The following ZNF718 variants were observed in gnomAD, a reference collection of about 807,000 sequenced individuals.
The protein encoded by ZNF718 is zinc finger protein 718.
A neutral mutation model predicts 2.6 loss-of-function variants in ZNF718; 3 were observed. The ratio of observed to expected loss-of-function variants is 1.16; its 90% CI spans 0.53 to 3.01. ZNF718 has a LOEUF of 3.01. Ranked by LOEUF, ZNF718 falls within the 30% of genes most tolerant of loss-of-function variation. The probability of loss-of-function intolerance (pLI) is 0.03; values close to 1 mark genes in which losing one functional copy is unlikely to be tolerated. For missense variants in ZNF718, 468 were observed against 230.0 expected, an observed-to-expected ratio of 2.03 and a Z score of -6.69; for synonymous variants, 135 against 77.9, an observed-to-expected ratio of 1.73 and a Z score of -3.86.
intron 3 of ZNF718, among the ~76,000 whole-genome samples, chr4:200,678 G>A (rs1246605318): frequency 3.9e-5 from 6 of 152,132 alleles, no homozygotes; most frequent in Admixed American, 1.3e-4. Flanking sequence ...AATTCCAAAG[G>A]TGAGGGGAAG....
downstream of ZNF718, among the ~76,000 whole-genome samples, chr4:168,388 C>T (rs187488190): frequency 1.8e-3 from 267 of 152,242 alleles, no homozygotes; most frequent in East Asian, 6.0e-3. Flanking sequence ...GGAGGATTCC[C>T]TCTTTTTCTA....
In ZNF718 at chr4:124,545, C is replaced by T. The variant is rs1233594719; in HGVS notation, c.-126C>T. The T allele has an allele frequency of 1.0e-5, 14 of 1,393,782 alleles. No homozygotes were observed. The highest frequency in any genetic ancestry group is 4.2e-5 in the African/African-American group (3 of 70,722). 86.3% of individuals were successfully genotyped at this position (1,393,782 alleles called of 1,614,324 possible). A position where few individuals can be genotyped will look rare whatever the true frequency, so the allele number is the denominator to read the frequency against. On this transcript the variant is annotated 5_prime_UTR_variant, in exon 1 of 4. Transcript: ENST00000510175. ...AGCCAGAGCTCGGTTAGGGCCTCAT[C>T]GCTCTGCTCCCGCTCCTTAGGGAAG...
At chr4:191,144 C>CTTTT (rs1194078764) in intron 3 of ZNF718, among the ~76,000 whole-genome samples, 10 of 122,280 alleles carry the variant, frequency 8.2e-5, no homozygotes, top group East Asian at 4.8e-4. Context: ...AGACATAAGT[C>CTTTT]TTTTTTTTTT....
intron 3 of ZNF718, among the ~76,000 whole-genome samples, chr4:172,851 T>G (rs1449837255): frequency 6.6e-6 from 1 of 151,944 alleles, no homozygotes; most frequent in Non-Finnish European, 1.5e-5. Flanking sequence ...GTCAAGAGAT[T>G]GAGACCATCC....
chr4:169,972 G>T (rs1356788753), intron 3 of ZNF718, among the ~76,000 whole-genome samples: 1 of 152,088 alleles, frequency 6.6e-6, no homozygotes, highest in Non-Finnish European at 1.5e-5. Context: ...GCATGTTTTT[G>T]CTGTGGCTGG....
intron 3 of ZNF718, among the ~76,000 whole-genome samples, chr4:197,485 C>T (rs1187136352): frequency 6.6e-6 from 1 of 152,128 alleles, no homozygotes; most frequent in Admixed American, 6.6e-5. Context: ...GAGAATTGCT[C>T]AATGCATTCC....
intron 3 of ZNF718, among the ~76,000 whole-genome samples, chr4:177,878 G>A (rs1717381935): frequency 6.6e-6 from 1 of 151,980 alleles, no homozygotes; most frequent in African/African-American, 2.4e-5. Flanking sequence ...AGAGTAGGCA[G>A]TTAGACATGA....
intron 3 of ZNF718, among the ~76,000 whole-genome samples, chr4:143,248 G>A (rs1479501316): frequency 6.6e-6 from 1 of 152,224 alleles, no homozygotes; most frequent in Admixed American, 6.5e-5. Flanking sequence ...CTGGAGTGCA[G>A]TGGTGTAATC....
At chr4:173,050 AT>A (rs1234963513) in intron 3 of ZNF718, among the ~76,000 whole-genome samples, 2 of 152,148 alleles carry the variant, frequency 1.3e-5, no homozygotes, top group African/African-American at 4.8e-5. Flanking sequence ...TCTTAAAAAA[AT>A]AAATAAAATA....
intron 3 of ZNF718, among the ~76,000 whole-genome samples, chr4:172,078 G>A (rs782385966): frequency 6.6e-6 from 1 of 152,012 alleles, no homozygotes; most frequent in African/African-American, 2.4e-5. Context: ...TATATTTATT[G>A]TAAAGCATAT....
At chr4:156,782 GATT>G (rs577535402) in intron 3 of ZNF718, among the ~76,000 whole-genome samples, 149 of 152,110 alleles carry the variant, frequency 9.8e-4, no homozygotes, top group African/African-American at 3.5e-3. Flanking sequence ...TATTTCATTA[GATT>G]ATTTTTTGCT....
chr4:171,985 C>G (rs945422140), intron 3 of ZNF718, among the ~76,000 whole-genome samples: 1 of 152,188 alleles, frequency 6.6e-6, no homozygotes, highest in Non-Finnish European at 1.5e-5. Flanking sequence ...CATCTTGGCT[C>G]CACCTGTCGA....
intron 3 of ZNF718, among the ~76,000 whole-genome samples, chr4:135,687 C>T (rs1715529399): frequency 2.2e-5 from 2 of 89,078 alleles, no homozygotes; most frequent in African/African-American, 4.0e-5. Context: ...TATCCTGATG[C>T]TTTAATGAAT....
intron 3 of ZNF718, 92 bp from the exon 4 acceptor site, chr4:160,820 G>T: frequency 1.5e-6 from 1 of 655,440 alleles, no homozygotes; most frequent in East Asian, 2.5e-5. Flanking sequence ...GAAACTGCTG[G>T]AATTACTGGC....
Position 161,157 on chromosome 4 carries a change from TCAAA to T in ZNF718, c.477_480del (p.Asn159LysfsTer4), listed in dbSNP as rs1553814943. ...CAAAGTTTTTCATAAATTTTCAAATTCAAACAAAGATAAGATAAGATATACTGGA... is the reference window on the plus strand; with the variant it reads ...CAAAGTTTTTCATAAATTTTCAAATTCAAAGATAAGATAAGATATACTGGA... On this transcript the variant is annotated frameshift_variant, in exon 4 of 4. Transcript: ENST00000510175. LOFTEE classifies it low-confidence loss of function (END_TRUNC). 4 of 759,796 alleles carry T rather than the reference TCAAA, an allele frequency of 5.3e-6. No individual in the cohort carries two copies. The Admixed American group carries it at 7.3e-5, about 14-fold the overall frequency. 47.1% of individuals were successfully genotyped at this position (759,796 alleles called of 1,614,324 possible). A position where few individuals can be genotyped will look rare whatever the true frequency, so the allele number is the denominator to read the frequency against.
At position 163,018 on chromosome 4, in the gene ZNF718, C is replaced by T. The variant is rs2108805886; in HGVS notation, c.*896C>T. 1 of 152,090 alleles carries T rather than the reference C, an allele frequency of 6.6e-6. No homozygotes were observed. The highest frequency in any genetic ancestry group is 2.1e-4 in the South Asian group (1 of 4,796). The allele number at this position is 152,090 out of a possible 1,614,324, so 9.4% of individuals were successfully genotyped here. ...AAAGGAGTAGCTTTTTGAAATTATT[C>T]CATTGAAATTATACTTTTTTTACCT... On this transcript the variant is annotated 3_prime_UTR_variant, in exon 4 of 4. Transcript: ENST00000510175.
intron 3 of ZNF718, among the ~76,000 whole-genome samples, chr4:181,983 A>G (rs1475608997): frequency 1.3e-5 from 2 of 152,320 alleles, no homozygotes; most frequent in East Asian, 3.9e-4. Flanking sequence ...TGTCACTGCA[A>G]AGGACATGAT....
At chr4:139,906 C>T (rs943240873) in intron 3 of ZNF718, among the ~76,000 whole-genome samples, 2 of 152,188 alleles carry the variant, frequency 1.3e-5, no homozygotes, top group South Asian at 4.1e-4. Flanking sequence ...AGAAGGCTGA[C>T]TGCCACCTCC....
intron 3 of ZNF718, among the ~76,000 whole-genome samples, chr4:170,239 C>G (rs1295707181): frequency 3.3e-5 from 5 of 152,124 alleles, no homozygotes; most frequent in Non-Finnish European, 7.4e-5. Flanking sequence ...ATGGGCTTCC[C>G]TTTGTGGGTA....
Sources: gnomAD v4.1 joint callset for allele counts (sites outside exome capture counted in the v4.1 genomes callset) on GRCh38, gnomAD v4.1.1 for gene constraint, MANE v1.5 for transcripts, NCBI Gene and HGNC (gene_info 2026-07-23, HGNC 2026-07-21) for gene names.